DEAF1: variants seen among roughly 807,000 people sequenced by gnomAD.
DEAF1 encodes deformed epidermal autoregulatory factor 1 homolog.
In DEAF1, 53 loss-of-function variants were observed where a neutral mutation model predicts 58.9. The ratio of observed to expected loss-of-function variants is 0.90; its 90% CI spans 0.72 to 1.13. The LOEUF (loss-of-function observed/expected upper bound fraction) is 1.13. Ranked by LOEUF, DEAF1 falls within the 50% of genes most tolerant of loss-of-function variation. The pLI is 0.00. For missense variants in DEAF1, 685 were observed against 791.4 expected, an observed-to-expected ratio of 0.87 and a Z score of 1.61; for synonymous variants, 385 against 340.4, an observed-to-expected ratio of 1.13 and a Z score of -1.44.
intron 10 of DEAF1, among the ~76,000 whole-genome samples, chr11:663,249 C>G (rs766883563): frequency 1.3e-5 from 2 of 152,220 alleles, no homozygotes; most frequent in Non-Finnish European, 2.9e-5. Flanking sequence ...GAGTTCAAAA[C>G]CAGCCTGGCT....
At chr11:674,489 G>T in intron 10 of DEAF1, 47 bp downstream of exon 10, 1 of 1,612,744 alleles carries the variant, frequency 6.2e-7, no homozygotes. Flanking sequence ...AGGGTGGCCT[G>T]GGGTTACTCG....
At chr11:699,007 GA>G (rs1439050098), upstream of DEAF1, 1 of 1,221,942 alleles carries the variant, frequency 8.2e-7, no homozygotes, top group African/African-American at 1.5e-5. Flanking sequence ...CCACTTTGGA[GA>G]GGGGGGTGTT....
upstream of DEAF1, chr11:697,582 A>G (rs1861258831): frequency 6.6e-6 from 1 of 152,250 alleles, no homozygotes; most frequent in African/African-American, 2.4e-5. Context: ...AATCTATAAC[A>G]GTGAGCAACT....
chr11:704,965 G>A (rs1861651971), intron 1 of DEAF1: 2 of 324,358 alleles, frequency 6.2e-6, no homozygotes, highest in Admixed American at 4.4e-5. Context: ...GTCAGGGCAA[G>A]CTCATGCATG....
upstream of DEAF1, chr11:699,428 A>T (rs1861343571): frequency 6.5e-6 from 1 of 152,906 alleles, no homozygotes; most frequent in African/African-American, 2.5e-5. Context: ...AGTCCCCCAA[A>T]CAGAAATATA....
chr11:681,279 C>T (rs865923287), intron 6 of DEAF1, among the ~76,000 whole-genome samples, 190 bp from the exon 7 acceptor site: 2 of 152,132 alleles, frequency 1.3e-5, no homozygotes, highest in Admixed American at 6.5e-5. Flanking sequence ...TAGCTGCCCA[C>T]GCTGGAGTGC....
chr11:674,496 C>T, intron 10 of DEAF1, 40 bp downstream of exon 10: 4 of 1,613,116 alleles, frequency 2.5e-6, no homozygotes, highest in South Asian at 1.1e-5. Flanking sequence ...CCTGGGGTTA[C>T]TCGGCACAGG....
chr11:673,507 G>A (rs577673678), intron 10 of DEAF1, among the ~76,000 whole-genome samples: 95 of 152,290 alleles, frequency 6.2e-4, no homozygotes, highest in African/African-American at 2.3e-3. Flanking sequence ...TAGCCTGGGC[G>A]ACAGAGTGAC....
Position 674,617 on chromosome 11 carries a change from A to C in DEAF1, c.1422T>G (p.Phe474Leu), listed in dbSNP as rs376921067. 2.5e-6 allele frequency: 4 copies of C among 1,614,152 alleles called. No homozygotes were observed. The highest frequency in any genetic ancestry group is 3.4e-6 in the Non-Finnish European group (4 of 1,180,026). ...LNTAQQLKTL[F>L]EQAKHASTYR... Reference sequence around the variant, plus strand: ...AGGTGCTGGCATGCTTGGCTTGCTCAAACAGCGTCTTCAGCTGCTGCGCTG... The same window carrying C: ...AGGTGCTGGCATGCTTGGCTTGCTCCAACAGCGTCTTCAGCTGCTGCGCTG... Residue 474 changes from phenylalanine to leucine, a missense_variant, in exon 10 of 12, where the codon TTT becomes TTG. Coordinates refer to ENST00000382409, the MANE Select transcript of DEAF1 (RefSeq NM_021008.4).
At position 644,774 on chromosome 11, in the gene DEAF1, A is replaced by C; in HGVS notation, c.1594-120T>G. 1 of 784,392 alleles carries C rather than the reference A, an allele frequency of 1.3e-6. No individual in the cohort carries two copies. Among genetic ancestry groups the C allele is most frequent in the Non-Finnish European group, 2.2e-6 (1 of 461,980 alleles). The allele number at this position is 784,392 out of a possible 1,614,324, so 48.6% of individuals were successfully genotyped here. On this transcript the variant is annotated intron_variant, in intron 11 of 11. Coordinates refer to ENST00000382409, the MANE Select transcript of DEAF1 (RefSeq NM_021008.4). The surrounding 1 kb of genome is among the most constrained non-coding windows in gnomAD (Gnocchi z 4.3). ...TGTAACCTCACCTGGAGGTGCTGAG[A>C]ATGCCCTCCCCAGCCCCCGTGCGCC...
upstream of DEAF1, among the ~76,000 whole-genome samples, chr11:696,599 TAAAAA>T (rs879499347): frequency 6.9e-6 from 1 of 145,864 alleles, no homozygotes; most frequent in Non-Finnish European, 1.5e-5. Flanking sequence ...ACCCCCTCTA[TAAAAA>T]AAAAACTGTA....
At chr11:698,809 A>G, upstream of DEAF1, 2 of 1,606,356 alleles carry the variant, frequency 1.2e-6, no homozygotes, top group Non-Finnish European at 1.7e-6. Flanking sequence ...GTGTGGAGCG[A>G]GACCCGGGAA....
chr11:669,346 TAGAA>T (rs1859702660), intron 10 of DEAF1, among the ~76,000 whole-genome samples: 1 of 152,064 alleles, frequency 6.6e-6, no homozygotes, highest in African/African-American at 2.4e-5. Context: ...GTAGGAAATC[TAGAA>T]AATCAACTGG....
upstream of DEAF1, chr11:699,592 C>CA (rs1861350414): frequency 6.5e-6 from 1 of 154,156 alleles, no homozygotes; most frequent in African/African-American, 2.4e-5. Flanking sequence ...ACTAAAAATA[C>CA]AAAAAATTAG....
At chr11:674,094 G>C (rs4073591) in intron 10 of DEAF1, 1 of 261,208 alleles carries the variant, frequency 3.8e-6, no homozygotes, top group Non-Finnish European at 7.6e-6. Context: ...AGCTGGGAGG[G>C]CTTTGTGACA....
At chr11:675,080 G>A (rs1054808731) in intron 9 of DEAF1, among the ~76,000 whole-genome samples, 3 of 152,166 alleles carry the variant, frequency 2.0e-5, no homozygotes, top group African/African-American at 4.8e-5. Flanking sequence ...GCTACCTCGG[G>A]AGGCTGAGGC....
intron 8 of DEAF1, 143 bp downstream of exon 8, chr11:679,545 C>T (rs911990889): frequency 1.7e-5 from 22 of 1,313,828 alleles, no homozygotes; most frequent in South Asian, 7.4e-5. Flanking sequence ...GTGGCTCACA[C>T]GCTGTCCCCA....
At chr11:663,527 G>A (rs1160809458) in intron 10 of DEAF1, among the ~76,000 whole-genome samples, 3 of 151,574 alleles carry the variant, frequency 2.0e-5, no homozygotes, top group Non-Finnish European at 4.4e-5. Context: ...TGCCTCTGGT[G>A]TGAATACCAG....
At chr11:664,259 A>C (rs1859440024) in intron 10 of DEAF1, among the ~76,000 whole-genome samples, 1 of 152,070 alleles carries the variant, frequency 6.6e-6, no homozygotes, top group South Asian at 2.1e-4. Context: ...TCACTTTTGT[A>C]GCCACCAGAG....
Sources: allele counts gnomAD v4.1 joint callset (sites outside exome capture counted in the v4.1 genomes callset), GRCh38; gene constraint gnomAD v4.1.1; non-coding constraint Gnocchi (gnomAD v3.1); transcripts MANE v1.5; gene names NCBI Gene and HGNC (gene_info 2026-07-23, HGNC 2026-07-21).